The following BCL2L1 variants were observed in gnomAD, a reference collection of about 807,000 sequenced individuals.
BCL2L1 encodes the protein bcl-2-like protein 1.
In BCL2L1, 1 loss-of-function variant was observed where a neutral mutation model predicts 18.7. The ratio of observed to expected loss-of-function variants is 0.05; its 90% CI spans 0.02 to 0.25. BCL2L1 has a LOEUF of 0.25. Ranked by LOEUF, BCL2L1 falls within the 10% of genes least tolerant of loss-of-function variation. The probability of loss-of-function intolerance (pLI) is 1.00; values close to 1 mark genes in which losing one functional copy is unlikely to be tolerated. For missense variants in BCL2L1, 207 were observed against 304.9 expected (o/e 0.68, Z 2.39); for synonymous variants, 103 against 122.7 (o/e 0.84, Z 1.06).
At chr20:31,684,426 C>T (rs1310347039) in intron 2 of BCL2L1, among the ~76,000 whole-genome samples, 1 of 152,084 alleles carries the variant, frequency 6.6e-6, no homozygotes, top group Non-Finnish European at 1.5e-5. Flanking sequence ...CAGGATAGGT[C>T]CCAAAGGGTG....
intron 2 of BCL2L1, among the ~76,000 whole-genome samples, chr20:31,676,477 T>G (rs2060763443): frequency 6.6e-6 from 1 of 152,118 alleles, no homozygotes. Flanking sequence ...TGTGCTCATA[T>G]AGGCTCATCC....
intron 2 of BCL2L1, among the ~76,000 whole-genome samples, chr20:31,714,604 T>C (rs2061500143): frequency 1.3e-5 from 2 of 152,150 alleles, no homozygotes; most frequent in South Asian, 4.1e-4. Flanking sequence ...GTATTATTAT[T>C]TGTCCCAAGA....
intron 2 of BCL2L1, among the ~76,000 whole-genome samples, chr20:31,703,777 C>G (rs1256405190): frequency 7.9e-5 from 12 of 151,392 alleles, no homozygotes; most frequent in African/African-American, 2.9e-4. Context: ...TAGGCATGAG[C>G]CACTGAGCCC....
intron 2 of BCL2L1, among the ~76,000 whole-genome samples, chr20:31,698,362 C>T (rs973598536): frequency 6.6e-6 from 1 of 151,950 alleles, no homozygotes; most frequent in African/African-American, 2.4e-5. Flanking sequence ...CCCACCTTAG[C>T]CTCCTGAGTA....
Position 31,703,707 on chromosome 20 carries a change from G to A in BCL2L1, c.564+17948C>T, listed in dbSNP as rs1394561229. The stretch of plus-strand genomic sequence containing the variant: ...GGGTTTCACTGTGTTGGCCAGGCTG[G>A]TCTGGAACTCCTGATCTCAGGTGAT... On this transcript the variant is annotated intron_variant, in intron 2 of 2. Transcript: ENST00000307677. 2.8e-4 allele frequency among the ~76,000 whole-genome samples: 43 copies of A among 151,772 alleles called. 1 individual carries two copies. The highest frequency in any genetic ancestry group is 1.0e-3 in the African/African-American group (43 of 41,360).
intron 2 of BCL2L1, among the ~76,000 whole-genome samples, chr20:31,708,688 G>T (rs2061407471): frequency 6.6e-6 from 1 of 152,164 alleles, no homozygotes; most frequent in Admixed American, 6.5e-5. Context: ...AACCATGGGG[G>T]CCTCTTGGGC....
At chr20:31,672,886 G>C (rs1011950382) in intron 2 of BCL2L1, among the ~76,000 whole-genome samples, 1 of 151,188 alleles carries the variant, frequency 6.6e-6, no homozygotes, top group Non-Finnish European at 1.5e-5. Flanking sequence ...GTAAATTTTT[G>C]GAGAGATGGA....
chr20:31,698,278 T>C (rs2033236341), intron 2 of BCL2L1, among the ~76,000 whole-genome samples: 2 of 152,190 alleles, frequency 1.3e-5, no homozygotes, highest in African/African-American at 4.8e-5. Context: ...TTTTGCTCTG[T>C]CGCCCAGGTT....
Position 31,664,862 on chromosome 20 carries a change from ACTCT to A in BCL2L1, c.*1083_*1086del, listed in dbSNP as rs2060563088. The A allele has an allele frequency of 4.6e-6, 1 of 219,378 alleles. No homozygotes were observed. The highest frequency in any genetic ancestry group is 2.3e-5 in the African/African-American group (1 of 44,392). The allele number at this position is 219,378 out of a possible 1,614,324, so 13.6% of individuals were successfully genotyped here. On this transcript the variant is annotated 3_prime_UTR_variant, in exon 3 of 3. Transcript: ENST00000307677. ...GGCCTGAAGAGCTCCTGGCCAGGCC[ACTCT>A]GGCCTTGGCAGCCTGGCTGCCCAGG...
At chr20:31,686,197 T>G (rs893187380) in intron 2 of BCL2L1, 1 of 152,218 alleles carries the variant, frequency 6.6e-6, no homozygotes, top group Non-Finnish European at 1.5e-5. Flanking sequence ...AAATTCTTAT[T>G]TTATGAAGAC....
chr20:31,711,231 CACTT>C (rs896473903), intron 2 of BCL2L1, among the ~76,000 whole-genome samples: 23 of 152,332 alleles, frequency 1.5e-4, no homozygotes, highest in African/African-American at 5.3e-4. Context: ...ATTCATGCCT[CACTT>C]ACTCTGGTGG....
chr20:31,703,540 G>A (rs948312714), intron 2 of BCL2L1, among the ~76,000 whole-genome samples: 3 of 149,664 alleles, frequency 2.0e-5, no homozygotes, highest in Non-Finnish European at 4.4e-5. Flanking sequence ...TGCCCAGGCT[G>A]GCGTGCAGTG....
At chr20:31,703,756 T>A (rs901635577) in intron 2 of BCL2L1, among the ~76,000 whole-genome samples, 1 of 151,770 alleles carries the variant, frequency 6.6e-6, no homozygotes, top group Non-Finnish European at 1.5e-5. Flanking sequence ...CCTCCCAAAG[T>A]GCTGGGATTA....
At chr20:31,681,320 T>C (rs2122538582) in intron 2 of BCL2L1, among the ~76,000 whole-genome samples, 1 of 152,236 alleles carries the variant, frequency 6.6e-6, no homozygotes, top group South Asian at 2.1e-4. Context: ...CCAGGGAAGT[T>C]GGTGAGAAGC....
chr20:31,716,095 T>C (rs1568900203), intron 2 of BCL2L1, among the ~76,000 whole-genome samples: 1 of 152,208 alleles, frequency 6.6e-6, no homozygotes, highest in African/African-American at 2.4e-5. Flanking sequence ...CAGGATGCTA[T>C]ATAAGCTTCA....
intron 2 of BCL2L1, among the ~76,000 whole-genome samples, chr20:31,718,981 C>T (rs187204108): frequency 6.6e-6 from 1 of 152,298 alleles, no homozygotes; most frequent in Non-Finnish European, 1.5e-5. Flanking sequence ...TTATGCCAAC[C>T]TTGGTGTAAA....
At chr20:31,705,648 C>T (rs1170464246) in intron 2 of BCL2L1, among the ~76,000 whole-genome samples, 1 of 152,222 alleles carries the variant, frequency 6.6e-6, no homozygotes, top group Non-Finnish European at 1.5e-5. Flanking sequence ...GGGGGCCTCT[C>T]TTTCACCCTA....
chr20:31,699,416 CAG>C (rs752464082), intron 2 of BCL2L1, among the ~76,000 whole-genome samples: 22 of 152,204 alleles, frequency 1.4e-4, no homozygotes, highest in South Asian at 4.1e-4. Context: ...AAGCAGGAAA[CAG>C]GGGATACTCA....
chr20:31,713,169 C>T (rs145557019), intron 2 of BCL2L1: 239 of 778,496 alleles, frequency 3.1e-4, no homozygotes, highest in Non-Finnish European at 3.6e-4. Context: ...ACTGCTAATG[C>T]GTGATGGAGC....
Sources: gnomAD v4.1 joint callset for allele counts (sites outside exome capture counted in the v4.1 genomes callset) on GRCh38, gnomAD v4.1.1 for gene constraint, MANE v1.5 for transcripts, NCBI Gene and HGNC (gene_info 2026-07-23, HGNC 2026-07-21) for gene names.